VAV2: variants seen among roughly 807,000 people sequenced by gnomAD.
VAV2 encodes the protein vav guanine nucleotide exchange factor 2.
In VAV2, 67 loss-of-function variants were observed where a neutral mutation model predicts 132.5. The observed-to-expected ratio is 0.51, with a 90% confidence interval of 0.42 to 0.62. The LOEUF (loss-of-function observed/expected upper bound fraction) is 0.62, where lower values mean the gene tolerates loss of function less well. Among genes scored for constraint, VAV2 ranks in the 20% least tolerant of loss-of-function variants. The pLI is 0.00. For synonymous variants in VAV2, 492 were observed against 443.5 expected, an observed-to-expected ratio of 1.11 and a Z score of -1.37; for missense variants, 938 against 1,153.6, an observed-to-expected ratio of 0.81 and a Z score of 2.71.
Position 133,971,335 on chromosome 9 carries a change from G to T in VAV2, c.204+20740C>A, listed in dbSNP as rs564670980. Among the ~76,000 whole-genome samples the T allele has an allele frequency of 1.3e-3, 192 of 152,270 alleles. 2 individuals are homozygous for T. Among genetic ancestry groups the T allele is most frequent in the African/African-American group, 4.4e-3 (183 of 41,550 alleles). ...TCGCCACGGCAGCCCAGGGGCAGCC[G>T]CAAGCAGGCACCGTGGGACCGGTGA... On this transcript the variant is annotated intron_variant, in intron 1 of 29. Coordinates refer to ENST00000371850, the MANE Select transcript of VAV2 (RefSeq NM_001134398.2).
intron 13 of VAV2, 52 bp downstream of exon 13, chr9:133,791,731 A>G (rs2131620576): frequency 6.6e-7 from 1 of 1,507,428 alleles, no homozygotes; most frequent in Middle Eastern, 1.7e-4. Context: ...ACGTGACTTT[A>G]TAGGTACGTC....
chr9:133,872,696 G>A (rs1010954309), intron 2 of VAV2, among the ~76,000 whole-genome samples: 2 of 152,184 alleles, frequency 1.3e-5, no homozygotes, highest in African/African-American at 4.8e-5. Context: ...AGCACAGGAG[G>A]AGGCGTAAGC....
At position 133,769,412 on chromosome 9, in the gene VAV2, G is replaced by A. The variant is rs747641535; in HGVS notation, c.2434+5C>T. On this transcript the variant is annotated splice_donor_5th_base_variant and intron_variant, in intron 28 of 29. Coordinates refer to ENST00000371850, the MANE Select transcript of VAV2 (RefSeq NM_001134398.2). This position sits in a 1 kb window ranked among gnomAD's most constrained non-coding sequence, Gnocchi z 8.1. ...GTCCCCCCACGCCCTGGGGAGCAGC[G>A]GTACCTGACCAGAAGGGAGCGGAGG... is the stretch of plus-strand genomic sequence containing the variant. 40 of 1,609,694 alleles carry A rather than the reference G, an allele frequency of 2.5e-5. No individual in the cohort carries two copies. The highest frequency in any genetic ancestry group is 8.4e-5 in the Admixed American group (5 of 59,462).
chr9:133,961,088 G>A lies in VAV2; in HGVS notation c.205-21869C>T, dbSNP rs572714390. ...CCCACACCCGGCACACATCACGGGCGGCCCCAAGCTCTCCAGGTGGGAGCT... is the reference window on the plus strand; with the variant it reads ...CCCACACCCGGCACACATCACGGGCAGCCCCAAGCTCTCCAGGTGGGAGCT... On this transcript the variant is annotated intron_variant, in intron 1 of 29. Transcript: ENST00000371850. The surrounding 1 kb of genome is among the most constrained non-coding windows in gnomAD (Gnocchi z 4.1). Among the ~76,000 whole-genome samples, 25 of 152,366 alleles carry A rather than the reference G, an allele frequency of 1.6e-4. No individual in the cohort carries two copies. The highest frequency in any genetic ancestry group is 1.2e-3 in the South Asian group (6 of 4,830).
chr9:133,958,012 CGTTAAGA>C (rs1841843596), intron 1 of VAV2, among the ~76,000 whole-genome samples: 1 of 140,976 alleles, frequency 7.1e-6, no homozygotes, highest in African/African-American at 2.5e-5. Context: ...GCAGCATGCT[CGTTAAGA>C]GTCATCACCA....
At chr9:133,886,873 G>A (rs1049297882) in intron 2 of VAV2, among the ~76,000 whole-genome samples, 3 of 152,238 alleles carry the variant, frequency 2.0e-5, no homozygotes, top group African/African-American at 7.2e-5. Flanking sequence ...CCTGGCTTGG[G>A]GCAGGTGGAC....
At chr9:133,959,482 T>G (rs1345371376) in intron 1 of VAV2, among the ~76,000 whole-genome samples, 1 of 151,968 alleles carries the variant, frequency 6.6e-6, no homozygotes, top group Non-Finnish European at 1.5e-5. Context: ...GGCCTGAGCT[T>G]TCAGGGCAGG....
chr9:133,938,516 CA>C (rs1223311692), intron 2 of VAV2, among the ~76,000 whole-genome samples: 4 of 142,496 alleles, frequency 2.8e-5, no homozygotes, highest in African/African-American at 1.0e-4. Context: ...CTCCTGCATG[CA>C]GGACTGGTGC....
chr9:133,769,284 C>T lies in VAV2; in HGVS notation c.2434+133G>A. ...GCCTCCCCAGCCCCTTTCTCCCCTC[C>T]ACCCAGTGCCAGACTGCGGACAACT... On this transcript the variant is annotated intron_variant, in intron 28 of 29. Transcript: ENST00000371850. This position sits in a 1 kb window ranked among gnomAD's most constrained non-coding sequence, Gnocchi z 8.1. 1 of 980,552 alleles carries T rather than the reference C, an allele frequency of 1.0e-6. No homozygotes were observed. The highest frequency in any genetic ancestry group is 1.7e-5 in the South Asian group (1 of 57,968). The allele number at this position is 980,552 out of a possible 1,614,324, so 60.7% of individuals were successfully genotyped here. A position where few individuals can be genotyped will look rare whatever the true frequency, so the allele number is the denominator to read the frequency against.
chr9:133,908,096 G>A (rs1432430612), intron 2 of VAV2, among the ~76,000 whole-genome samples: 2 of 134,166 alleles, frequency 1.5e-5, no homozygotes, highest in Admixed American at 1.5e-4. Context: ...AGTGGAGGGA[G>A]GGTCTGGGGG....
intron 9 of VAV2, among the ~76,000 whole-genome samples, chr9:133,805,866 G>A (rs1049942221): frequency 1.3e-5 from 2 of 152,132 alleles, no homozygotes; most frequent in Non-Finnish European, 2.9e-5. Context: ...TGCCCCTGCC[G>A]AGCTCCCACA....
chr9:133,859,944 G>A (rs1220252811), intron 3 of VAV2, among the ~76,000 whole-genome samples: 2 of 152,154 alleles, frequency 1.3e-5, no homozygotes, highest in Non-Finnish European at 2.9e-5. Context: ...GGTTTTGACT[G>A]CTATTCTTTA....
rs1837291679 is a variant in VAV2, at chr9:133,854,101, GCA to G, written c.380+7271_380+7272del. On this transcript the variant is annotated intron_variant, in intron 3 of 29. Coordinates refer to ENST00000371850, the MANE Select transcript of VAV2 (RefSeq NM_001134398.2). Reference sequence around the variant, plus strand: ...TGCACATACACCCCCATCTGCACATGCACACACATACCCCTTGCACCTGCACA... The same window carrying G: ...TGCACATACACCCCCATCTGCACATGCACACATACCCCTTGCACCTGCACA... Among the ~76,000 whole-genome samples, 11 of 146,130 alleles carry G rather than the reference GCA, an allele frequency of 7.5e-5. No individual in the cohort carries two copies. The South Asian group carries it at 2.4e-3, about 32-fold the overall frequency.
At chr9:133,846,293 G>C (rs553999181) in intron 3 of VAV2, among the ~76,000 whole-genome samples, 53 of 152,256 alleles carry the variant, frequency 3.5e-4, no homozygotes, top group Admixed American at 4.6e-4. Flanking sequence ...GGGCCTGGGT[G>C]TCACCCCTGG....
rs10561589 is a variant in VAV2, at chr9:133,824,436, CCCAG to C, written c.449+9832_449+9835del. Among the ~76,000 whole-genome samples, 24,372 of 151,918 alleles carry C rather than the reference CCCAG, an allele frequency of 0.16. 2,240 individuals carry two copies. The highest frequency in any genetic ancestry group is 0.25 in the African/African-American group (10,476 of 41,348). On this transcript the variant is annotated intron_variant, in intron 4 of 29. Coordinates refer to ENST00000371850, the MANE Select transcript of VAV2 (RefSeq NM_001134398.2). The surrounding 1 kb of genome is among the most constrained non-coding windows in gnomAD (Gnocchi z 5.2). Reference sequence around the variant, plus strand: ...TTCCCGAGAACAGACATAGAAGAGACCCAGCCAGGACACTCTTAAAACCCCAGCC... The same window carrying C: ...TTCCCGAGAACAGACATAGAAGAGACCCAGGACACTCTTAAAACCCCAGCC...
At chr9:133,933,836 ATGGATGG>A (rs1284853984) in intron 2 of VAV2, among the ~76,000 whole-genome samples, 30 of 139,974 alleles carry the variant, frequency 2.1e-4, no homozygotes, top group Non-Finnish European at 4.2e-4. Flanking sequence ...GGATGGATGG[ATGGATGG>A]TGGATGGGTG....
At chr9:133,783,800 G>A (rs939786906) in intron 18 of VAV2, among the ~76,000 whole-genome samples, 8 of 151,026 alleles carry the variant, frequency 5.3e-5, no homozygotes, top group South Asian at 4.2e-4. Flanking sequence ...CTGCCTCCCT[G>A]CCCCACACAG....
rs530801979 is a variant in VAV2, at chr9:133,883,328, G to A, written c.322-21896C>T. Among the ~76,000 whole-genome samples, 2 of 152,352 alleles carry A rather than the reference G, an allele frequency of 1.3e-5. No individual in the cohort carries two copies. The highest frequency in any genetic ancestry group is 1.9e-4 in the East Asian group (1 of 5,188). ...GGAGCGAAGGCGCAGAGACCCATCC[G>A]TTGAGACAGCCTCCCTGCCGGGGTG... On this transcript the variant is annotated intron_variant, in intron 2 of 29. Coordinates refer to ENST00000371850, the MANE Select transcript of VAV2 (RefSeq NM_001134398.2). The surrounding 1 kb of genome is among the most constrained non-coding windows in gnomAD (Gnocchi z 4.2).
chr9:133,775,140 AAG>A, intron 24 of VAV2, 89 bp from the exon 25 acceptor site: 1 of 1,092,666 alleles, frequency 9.2e-7, no homozygotes, highest in East Asian at 2.6e-5. Context: ...AGGCCACATG[AAG>A]TACTCTGCAG....
Sources: gnomAD v4.1 joint callset for allele counts (sites outside exome capture counted in the v4.1 genomes callset) on GRCh38, gnomAD v4.1.1 for gene constraint, Gnocchi (gnomAD v3.1) non-coding constraint, MANE v1.5 for transcripts, NCBI Gene and HGNC (gene_info 2026-07-23, HGNC 2026-07-21) for gene names.